The following SAMD8 variants were observed in gnomAD, a reference collection of about 807,000 sequenced individuals.
The protein encoded by SAMD8 is sphingomyelin synthase-related protein 1.
A neutral mutation model predicts 42.0 loss-of-function variants in SAMD8; 20 were observed. The ratio of observed to expected loss-of-function variants is 0.48; its 90% CI spans 0.34 to 0.69. The LOEUF is 0.69. Ranked by LOEUF, SAMD8 falls within the 30% of genes least tolerant of loss-of-function variation. The probability of loss-of-function intolerance (pLI) is 0.01; values close to 1 mark genes in which losing one functional copy is unlikely to be tolerated. For missense variants in SAMD8, 328 were observed against 511.6 expected (o/e 0.64, Z 3.46); for synonymous variants, 162 against 173.0 (o/e 0.94, Z 0.50).
chr10:75,108,183 A>G (rs1197142403), upstream of SAMD8: 1 of 1,608,810 alleles, frequency 6.2e-7, no homozygotes, highest in African/African-American at 1.3e-5. Flanking sequence ...CAGCTTCCAC[A>G]GCTCAAAGCG....
chr10:75,122,107 A>G (rs1849018205), intron 1 of SAMD8, among the ~76,000 whole-genome samples: 1 of 152,204 alleles, frequency 6.6e-6, no homozygotes, highest in East Asian at 1.9e-4. Flanking sequence ...ATTTTCTTAA[A>G]AAAACCTTTT....
intron 1 of SAMD8, among the ~76,000 whole-genome samples, chr10:75,140,003 A>C (rs920623072): frequency 2.0e-5 from 3 of 152,234 alleles, no homozygotes; most frequent in African/African-American, 7.2e-5. Context: ...AGGTTTTTAC[A>C]TATGGGTATC....
intron 1 of SAMD8, among the ~76,000 whole-genome samples, chr10:75,124,842 T>A (rs755257405): frequency 1.3e-5 from 2 of 151,696 alleles, no homozygotes; most frequent in Non-Finnish European, 2.9e-5. Flanking sequence ...GGTCTCACTC[T>A]GTCACTCAGG....
chr10:75,157,234 GGAGAGA>G (rs139540562), intron 2 of SAMD8, among the ~76,000 whole-genome samples: 46 of 148,406 alleles, frequency 3.1e-4, no homozygotes, highest in Non-Finnish European at 2.7e-4. Flanking sequence ...ATGATGAGGG[GGAGAGA>G]GAGAGAGAGA....
rs1841066446 is a variant in SAMD8 at position 75,180,581 on chromosome 10, CAAAAT to C, written c.*3897_*3901del. On this transcript the variant is annotated 3_prime_UTR_variant, in exon 6 of 6. Coordinates refer to ENST00000542569, the MANE Select transcript of SAMD8 (RefSeq NM_001174156.2). Reference sequence around the variant, plus strand: ...GAGACTCCATCTCAAAAAAACAAAACAAAATAAAATAATAATGTGGGCTATTCAGA... The same window carrying C: ...GAGACTCCATCTCAAAAAAACAAAACAAAATAATAATGTGGGCTATTCAGA... The C allele has an allele frequency of 1.3e-5, 2 of 152,274 alleles. No individual in the cohort carries two copies. The highest frequency in any genetic ancestry group is 2.1e-4 in the South Asian group (1 of 4,816). The allele number at this position is 152,274 out of a possible 1,614,324, so 9.4% of individuals were successfully genotyped here. A position where few individuals can be genotyped will look rare whatever the true frequency, so the allele number is the denominator to read the frequency against.
chr10:75,104,127 G>A (rs1384071965), intron 1 of SAMD8: 2 of 1,312,332 alleles, frequency 1.5e-6, no homozygotes, highest in South Asian at 1.2e-5. Context: ...TGTGTTACAG[G>A]CAGGTGAACC....
intron 2 of SAMD8, among the ~76,000 whole-genome samples, chr10:75,154,627 T>C (rs1224325670): frequency 6.6e-6 from 1 of 152,052 alleles, no homozygotes; most frequent in Non-Finnish European, 1.5e-5. Flanking sequence ...AGTTGAGGGA[T>C]CTAACTTCTA....
chr10:75,118,623 G>A (rs1403427556), intron 1 of SAMD8, among the ~76,000 whole-genome samples: 1 of 152,158 alleles, frequency 6.6e-6, no homozygotes, highest in African/African-American at 2.4e-5. Flanking sequence ...CAGCCTGGGC[G>A]ACAGAGCAAG....
At position 75,150,881 on chromosome 10, in the gene SAMD8, A is replaced by T; in HGVS notation, c.353A>T (p.Asp118Val). Residue 118 changes from aspartate to valine, a missense_variant, in exon 2 of 6, where the codon GAC (aspartate) becomes GTC (valine). This residue lies in a region of SAMD8 where 150 missense variants were observed against 186.0 expected (regional missense o/e 0.81). Transcript: ENST00000542569. ...DWLCNGELSH[D>V]CDGPITDLNS... is the part of the protein sequence containing the mutation. ...CTCTGTAATGGGGAGCTTTCCCATG[A>T]CTGTGACGGACCCATAACTGACTTG... 1 of 1,612,992 alleles carries T rather than the reference A, an allele frequency of 6.2e-7. No individual in the cohort carries two copies. Among genetic ancestry groups the T allele is most frequent in the Non-Finnish European group, 8.5e-7 (1 of 1,179,394 alleles).
chr10:75,131,176 T>G (rs371524631), intron 1 of SAMD8, among the ~76,000 whole-genome samples: 20 of 152,234 alleles, frequency 1.3e-4, no homozygotes, highest in African/African-American at 4.1e-4. Flanking sequence ...TTTCCTTCTG[T>G]TATCCCTTTC....
Position 75,166,007 on chromosome 10 carries a change from AT to A in SAMD8, c.674+1271del, listed in dbSNP as rs1353131372. Among the ~76,000 whole-genome samples the A allele has an allele frequency of 1.6e-4, 24 of 149,562 alleles. 1 individual carries two copies. Among genetic ancestry groups the A allele is most frequent in the African/African-American group, 7.4e-5 (3 of 40,768 alleles). On this transcript the variant is annotated intron_variant, in intron 3 of 5. Coordinates refer to ENST00000542569, the MANE Select transcript of SAMD8 (RefSeq NM_001174156.2). ...AAAAAAAAAAAAAAAAAGAAAGATT[AT>A]TTTGTACAACATGTACATATAGTCT...
chr10:75,172,853 C>T (rs1589980171), intron 4 of SAMD8, among the ~76,000 whole-genome samples: 2 of 152,082 alleles, frequency 1.3e-5, no homozygotes, highest in South Asian at 4.2e-4. Context: ...AGGCTGGTCT[C>T]GAGCTCCTGA....
At chr10:75,101,845 C>T (rs974449303) in intron 1 of SAMD8, 1 of 1,362,880 alleles carries the variant, frequency 7.3e-7, no homozygotes, top group Non-Finnish European at 9.8e-7. Context: ...CTACCCCCCC[C>T]AAATTAGGAG....
chr10:75,179,253 G>T lies in SAMD8; in HGVS notation c.*2561G>T, dbSNP rs939236986. The T allele has an allele frequency of 3.3e-5, 5 of 151,806 alleles. No individual in the cohort carries two copies. The highest frequency in any genetic ancestry group is 5.9e-5 in the Non-Finnish European group (4 of 68,046). 9.4% of individuals were successfully genotyped at this position (151,806 alleles called of 1,614,324 possible). A position where few individuals can be genotyped will look rare whatever the true frequency, so the allele number is the denominator to read the frequency against. On this transcript the variant is annotated 3_prime_UTR_variant, in exon 6 of 6. Transcript: ENST00000542569. Reference sequence around the variant, plus strand: ...CCCAGCTACATGGGAGGCTGAGGCAGAAGGATCACTTGAGCCCAAGGAGGT... The same window carrying T: ...CCCAGCTACATGGGAGGCTGAGGCATAAGGATCACTTGAGCCCAAGGAGGT...
chr10:75,100,315 G>A (rs1421850468), intron 1 of SAMD8, among the ~76,000 whole-genome samples: 1 of 152,096 alleles, frequency 6.6e-6, no homozygotes, highest in African/African-American at 2.4e-5. Context: ...GCCTGGTCAG[G>A]CTCCACCTAA....
At chr10:75,158,993 CTAT>C (rs1199767680) in intron 2 of SAMD8, among the ~76,000 whole-genome samples, 1 of 151,042 alleles carries the variant, frequency 6.6e-6, no homozygotes, top group Non-Finnish European at 1.5e-5. Context: ...TACTTTTTGG[CTAT>C]TATTAATAAT....
intron 1 of SAMD8, among the ~76,000 whole-genome samples, chr10:75,139,249 G>A (rs576373104): frequency 1.1e-4 from 16 of 151,992 alleles, no homozygotes; most frequent in Non-Finnish European, 8.8e-5. Context: ...GATTATAGGC[G>A]TGGGTCACCA....
At chr10:75,164,291 C>T (rs548610310) in intron 2 of SAMD8, among the ~76,000 whole-genome samples, 1 of 152,286 alleles carries the variant, frequency 6.6e-6, no homozygotes, top group Admixed American at 6.5e-5. Flanking sequence ...AAGAGCACTT[C>T]ATGCAAGAAA....
Position 75,150,731 on chromosome 10 carries a change from T to A in SAMD8, c.203T>A (p.Leu68Ter). The A allele has an allele frequency of 6.2e-7, 1 of 1,614,194 alleles. No individual in the cohort carries two copies. The highest frequency in any genetic ancestry group is 8.5e-7 in the Non-Finnish European group (1 of 1,180,024). Residue 68 changes from leucine (L) to a stop codon, truncating the protein, a stop_gained, in exon 2 of 6, where the codon TTA becomes TAA. Transcript: ENST00000542569. LOFTEE classifies it high-confidence loss of function. Reference protein sequence around the residue: ...EIKVLGDIKRLMLSVRKLQKI... With the variant: ...EIKVLGDIKR ...AAAGTCTTAGGGGACATTAAAAGGT[T>A]AATGCTCTCAGTCCGAAAATTGCAG...
Sources: allele counts gnomAD v4.1 joint callset (sites outside exome capture counted in the v4.1 genomes callset), GRCh38; gene constraint gnomAD v4.1.1; regional missense constraint gnomAD v4.1.1; transcripts MANE v1.5; gene names NCBI Gene and HGNC (gene_info 2026-07-23, HGNC 2026-07-21).